Variants in DOCK8 observed in about 807,000 individuals in gnomAD.
The protein encoded by DOCK8 is dedicator of cytokinesis protein 8.
DOCK8 carries 141 observed loss-of-function variants against 245.6 expected under a neutral mutation model. That is an observed-to-expected ratio of 0.57 (90% CI 0.50 to 0.66). The LOEUF (loss-of-function observed/expected upper bound fraction) is 0.66. Among genes scored for constraint, DOCK8 ranks in the 30% least tolerant of loss-of-function variants. DOCK8 has a pLI of 0.00. For missense variants in DOCK8, 2,965 were observed against 2,603.4 expected (o/e 1.14, Z -3.02); for synonymous variants, 1,168 against 970.2 (o/e 1.20, Z -3.79).
chr9:457,525 A>G (rs895956915), intron 46 of DOCK8, among the ~76,000 whole-genome samples: 2 of 152,218 alleles, frequency 1.3e-5, no homozygotes, highest in Admixed American at 6.5e-5. Flanking sequence ...TTGTCTATCC[A>G]TGATTTGTCT....
chr9:400,253 T>TC (rs2054804067), intron 26 of DOCK8, among the ~76,000 whole-genome samples: 1 of 18,992 alleles, frequency 5.3e-5, no homozygotes, highest in Admixed American at 5.3e-4. Context: ...ACCTCCACCA[T>TC]CACCACCACC....
At chr9:438,199 C>T (rs1184499535) in intron 39 of DOCK8, among the ~76,000 whole-genome samples, 1 of 152,200 alleles carries the variant, frequency 6.6e-6, no homozygotes, top group African/African-American at 2.4e-5. Flanking sequence ...ATCTTGCTAA[C>T]CAGGCCAGAA....
upstream of DOCK8, chr9:213,605 C>T (rs553156202): frequency 2.3e-4 from 35 of 152,074 alleles, no homozygotes; most frequent in African/African-American, 7.7e-4. Flanking sequence ...TTCCAGTGTA[C>T]ATTTTACACA....
At chr9:291,092 G>C (rs1019115573) in intron 4 of DOCK8, among the ~76,000 whole-genome samples, 1 of 152,160 alleles carries the variant, frequency 6.6e-6, no homozygotes, top group South Asian at 2.1e-4. Flanking sequence ...TTGTTCTCAA[G>C]TTTTTAAATG....
At chr9:423,543 C>G (rs536451492) in intron 33 of DOCK8, among the ~76,000 whole-genome samples, 1 of 152,148 alleles carries the variant, frequency 6.6e-6, no homozygotes, top group African/African-American at 2.4e-5. Flanking sequence ...TTTATTGTTA[C>G]CACAAGAATG....
intron 1 of DOCK8, among the ~76,000 whole-genome samples, chr9:220,134 G>T (rs1295338739): frequency 6.6e-6 from 1 of 152,196 alleles, no homozygotes; most frequent in Non-Finnish European, 1.5e-5. Context: ...TTTGTCTGAT[G>T]TGTTCTAGAC....
chr9:445,923 C>T (rs1341480196), intron 43 of DOCK8, among the ~76,000 whole-genome samples: 2 of 152,214 alleles, frequency 1.3e-5, no homozygotes, highest in East Asian at 1.9e-4. Context: ...CATTCCCACC[C>T]TCTGTGTATG....
At position 370,113 on chromosome 9, in the gene DOCK8, T is replaced by C; in HGVS notation, c.1798-117T>C. ...CCACTGCTCCTGGCCAACCCAGCACTCTTAATTGTACAAAATGCAGCTCTA... is the reference window on the plus strand; with the variant it reads ...CCACTGCTCCTGGCCAACCCAGCACCCTTAATTGTACAAAATGCAGCTCTA... On this transcript the variant is annotated intron_variant, in intron 15 of 47. Coordinates refer to ENST00000432829, the MANE Select transcript of DOCK8 (RefSeq NM_203447.4). The C allele has an allele frequency of 2.2e-6, 2 of 913,444 alleles. 1 individual carries two copies. Among genetic ancestry groups the C allele is most frequent in the South Asian group, 2.7e-5 (2 of 73,950 alleles). The allele number at this position is 913,444 out of a possible 1,614,324, so 56.6% of individuals were successfully genotyped here. A position where few individuals can be genotyped will look rare whatever the true frequency, so the allele number is the denominator to read the frequency against.
chr9:371,772 G>A (rs564320643), intron 17 of DOCK8, among the ~76,000 whole-genome samples: 55 of 152,380 alleles, frequency 3.6e-4, no homozygotes, highest in African/African-American at 1.3e-3. Flanking sequence ...GGTGATAGAT[G>A]TTGGAAGAAT....
intron 15 of DOCK8, 45 bp downstream of exon 15, chr9:368,180 T>C: frequency 6.3e-6 from 9 of 1,434,144 alleles, no homozygotes; most frequent in Non-Finnish European, 8.9e-6. Context: ...GGTGGGCTGC[T>C]CACCCCTGTC....
intron 40 of DOCK8, among the ~76,000 whole-genome samples, chr9:440,813 A>G (rs1216285369): frequency 6.6e-6 from 1 of 152,200 alleles, no homozygotes; most frequent in Non-Finnish European, 1.5e-5. Flanking sequence ...GCCTTGGCTC[A>G]CTACAGCCTT....
chr9:367,651 G>A (rs1369142469), intron 14 of DOCK8, among the ~76,000 whole-genome samples: 2 of 152,138 alleles, frequency 1.3e-5, no homozygotes, highest in Non-Finnish European at 2.9e-5. Flanking sequence ...TGACAAGTAG[G>A]CCATTATCTA....
At chr9:273,238 T>C (rs1010924128) in intron 2 of DOCK8, 5 of 546,898 alleles carry the variant, frequency 9.1e-6, no homozygotes, top group Non-Finnish European at 9.3e-6. Context: ...TTTCAGAAAA[T>C]CTACTTATGA....
At chr9:338,356 T>C (rs2051417290) in intron 12 of DOCK8, among the ~76,000 whole-genome samples, 1 of 152,160 alleles carries the variant, frequency 6.6e-6, no homozygotes, top group Non-Finnish European at 1.5e-5. Flanking sequence ...TGCCACATCA[T>C]AGAAATAGTA....
At chr9:345,370 C>T (rs1248726646) in intron 14 of DOCK8, among the ~76,000 whole-genome samples, 1 of 152,172 alleles carries the variant, frequency 6.6e-6, no homozygotes, top group Non-Finnish European at 1.5e-5. Context: ...TCGGGCCAAA[C>T]AATAAATGCT....
chr9:371,627 A>G, intron 17 of DOCK8, 61 bp downstream of exon 17: 1 of 1,607,470 alleles, frequency 6.2e-7, no homozygotes, highest in Non-Finnish European at 8.5e-7. Flanking sequence ...AGGTCCCTGC[A>G]GAGATAAACA....
chr9:337,554 C>T lies in DOCK8; in HGVS notation c.1422+836C>T, dbSNP rs184871447. On this transcript the variant is annotated intron_variant, in intron 12 of 47. Transcript: ENST00000432829. ...ATTCATGTGCAAGTTTCCACTTTCA[C>T]TACTGCTTGATGTGCAAGTTTCCAG... Among the ~76,000 whole-genome samples the T allele has an allele frequency of 1.2e-3, 176 of 152,256 alleles. 1 individual carries two copies. The highest frequency in any genetic ancestry group is 3.7e-3 in the Admixed American group (56 of 15,302).
At chr9:417,437 A>G (rs574295871) in intron 29 of DOCK8, among the ~76,000 whole-genome samples, 4 of 152,256 alleles carry the variant, frequency 2.6e-5, no homozygotes, top group South Asian at 4.1e-4. Flanking sequence ...TTAGGAAAAC[A>G]TGAGTGAATC....
chr9:400,945 C>CAAT (rs2055015159), intron 26 of DOCK8, among the ~76,000 whole-genome samples: 1 of 117,438 alleles, frequency 8.5e-6, no homozygotes, highest in African/African-American at 3.1e-5. Flanking sequence ...CCACCACCAC[C>CAAT]ATCACCACCA....
Sources: allele counts gnomAD v4.1 joint callset (sites outside exome capture counted in the v4.1 genomes callset), GRCh38; gene constraint gnomAD v4.1.1; transcripts MANE v1.5; gene names NCBI Gene and HGNC (gene_info 2026-07-23, HGNC 2026-07-21).